Variants in CLIP1 observed in about 807,000 individuals in gnomAD.
CLIP1 encodes CAP-Gly domain containing linker protein 1, also known as CAP-Gly domain-containing linker protein 1.
Under a neutral mutation model 161.6 loss-of-function variants are expected in CLIP1, and 66 were observed. The ratio of observed to expected loss-of-function variants is 0.41; its 90% confidence interval spans 0.33 to 0.50. The LOEUF is 0.50. Among genes scored for constraint, CLIP1 ranks in the 20% least tolerant of loss-of-function variants. The pLI is 0.27. For missense variants in CLIP1, 1,376 were observed against 1,702.0 expected, an observed-to-expected ratio of 0.81 and a Z score of 3.37; for synonymous variants, 598 against 626.2, an observed-to-expected ratio of 0.96 and a Z score of 0.67.
chr12:122,361,020 G>C lies in CLIP1; in HGVS notation c.944C>G (p.Ser315Cys). 1 of 1,614,204 alleles carries C rather than the reference G, an allele frequency of 6.2e-7. No homozygotes were observed. The highest frequency in any genetic ancestry group is 8.5e-7 in the Non-Finnish European group (1 of 1,180,048). Residue 315 changes from serine to cysteine, a missense_variant, in exon 5 of 26, where the codon TCC (serine) becomes TGC (cysteine). Ser to Cys is a moderately radical substitution (Grantham distance 112). Around this residue, in one of 6 missense-constraint regions of CLIP1, gnomAD observed 211 missense variants for 295.1 expected, o/e 0.72. Transcript: ENST00000620786. ...GGCCACTGAGCTCATGGAGCTGAGG[G>C]AAGAGGCAGAAGGGCTGCGCTTCAG... is the stretch of plus-strand genomic sequence containing the variant. ...ASLKRSPSAS[S>C]LSSMSSVASS... is the part of the protein sequence containing the mutation.
At chr12:122,383,205 C>T (rs778379272) in intron 1 of CLIP1, among the ~76,000 whole-genome samples, 1 of 152,166 alleles carries the variant, frequency 6.6e-6, no homozygotes, top group African/African-American at 2.4e-5. Context: ...AGAGAACAGA[C>T]GGAGCAGGCA....
In CLIP1 at chr12:122,350,085, A is replaced by G. The variant is rs1198258563; in HGVS notation, c.1401+1026T>C. Among the ~76,000 whole-genome samples, 5 of 151,812 alleles carry G rather than the reference A, an allele frequency of 3.3e-5. No individual in the cohort carries two copies. In the Middle Eastern group the frequency reaches 0.014, roughly 413 times the overall value. The stretch of plus-strand genomic sequence containing the variant: ...ATATTCGGCTAATTTTTGTATTTTT[A>G]GTAGAGACAGGGTTTCACCATGTTG... On this transcript the variant is annotated intron_variant, in intron 9 of 25. Transcript: ENST00000620786.
intron 5 of CLIP1, among the ~76,000 whole-genome samples, chr12:122,358,234 AAGGCAGCATGCTCGTTAAG>A (rs1444351154): frequency 6.6e-6 from 1 of 151,324 alleles, no homozygotes; most frequent in Non-Finnish European, 1.5e-5. Flanking sequence ...CAGATGCTTG[AAGGCAGCATGCTCGTTAAG>A]AGTCATCACC....
At position 122,409,874 on chromosome 12, in the gene CLIP1, A is replaced by ATT. The variant is rs770849234; in HGVS notation, c.-107+12645_-107+12646dup. Among the ~76,000 whole-genome samples, 233 of 142,008 alleles carry ATT rather than the reference A, an allele frequency of 1.6e-3. 2 individuals carry two copies. Among genetic ancestry groups the ATT allele is most frequent in the Middle Eastern group, 3.7e-3 (1 of 268 alleles). 93.2% of individuals were successfully genotyped at this position (142,008 alleles called of 152,430 possible). A position where few individuals can be genotyped will look rare whatever the true frequency, so the allele number is the denominator to read the frequency against. ...TCTAACTTCAGTGTTTGTTATTTTT[A>ATT]TTTTTTTTTTTTTTGAGACTGAGTC... On this transcript the variant is annotated intron_variant, in intron 1 of 25. Transcript: ENST00000620786.
At chr12:122,402,202 A>C (rs1270225423) in intron 1 of CLIP1, among the ~76,000 whole-genome samples, 1 of 152,160 alleles carries the variant, frequency 6.6e-6, no homozygotes, top group African/African-American at 2.4e-5. Flanking sequence ...GTAGATTTAA[A>C]ATATTATTTC....
intron 1 of CLIP1, among the ~76,000 whole-genome samples, chr12:122,407,330 C>G (rs763436039): frequency 6.6e-6 from 1 of 152,132 alleles, no homozygotes; most frequent in Non-Finnish European, 1.5e-5. Flanking sequence ...TCTCCAGGCT[C>G]CTGACCCTAA....
At chr12:122,376,148 G>A (rs1490241699) in intron 3 of CLIP1, among the ~76,000 whole-genome samples, 2 of 152,030 alleles carry the variant, frequency 1.3e-5, no homozygotes, top group Non-Finnish European at 2.9e-5. Context: ...ATGTTGGCCA[G>A]GCTGGTCTTG....
intron 1 of CLIP1, among the ~76,000 whole-genome samples, chr12:122,411,543 C>T (rs760077998): frequency 6.6e-6 from 1 of 152,184 alleles, no homozygotes; most frequent in Non-Finnish European, 1.5e-5. Context: ...GGTATATCTA[C>T]ACAACAGAAT....
rs200371646 is a variant in CLIP1 at position 122,336,621 on chromosome 12, C to G, written c.2568+11G>C. On this transcript the variant is annotated intron_variant, in intron 12 of 25. Coordinates refer to ENST00000620786, the MANE Select transcript of CLIP1 (RefSeq NM_001247997.2). ...GAAACCCTGAGATTCAGATTCCCAA[C>G]AGGTACTTACCAAAATCTGAAGTTC... 470 of 1,380,480 alleles carry G rather than the reference C, an allele frequency of 3.4e-4. 4 individuals carry two copies. Among genetic ancestry groups the G allele is most frequent in the Non-Finnish European group, 2.9e-5 (28 of 971,390 alleles). The allele number at this position is 1,380,480 out of a possible 1,614,324, so 85.5% of individuals were successfully genotyped here.
chr12:122,397,063 G>A (rs565034328), intron 1 of CLIP1, among the ~76,000 whole-genome samples: 192 of 146,990 alleles, frequency 1.3e-3, no homozygotes, highest in Non-Finnish European at 1.9e-3. Flanking sequence ...ACAGGCGTAA[G>A]CCACCGTGCC....
At chr12:122,317,406 A>C (rs1951312288) in intron 18 of CLIP1, among the ~76,000 whole-genome samples, 1 of 152,212 alleles carries the variant, frequency 6.6e-6, no homozygotes, top group South Asian at 2.1e-4. Context: ...TGAAGAGGAA[A>C]AAGCCATGTC....
At chr12:122,324,909 A>G (rs898980201) in intron 17 of CLIP1, among the ~76,000 whole-genome samples, 45 of 152,140 alleles carry the variant, frequency 3.0e-4, no homozygotes, top group African/African-American at 1.1e-3. Flanking sequence ...TAGTCCCAAT[A>G]TCACATATAA....
chr12:122,315,109 G>A lies in CLIP1; in HGVS notation c.3473+1640C>T, dbSNP rs138346387. On this transcript the variant is annotated intron_variant, in intron 19 of 25. Coordinates refer to ENST00000620786, the MANE Select transcript of CLIP1 (RefSeq NM_001247997.2). The stretch of plus-strand genomic sequence containing the variant: ...TCCCAGGAAAATTTTAAAACTCCCC[G>A]AAGAACCACACATGTGCTAGCTTAA... 6.7e-3 allele frequency among the ~76,000 whole-genome samples: 1,023 copies of A among 152,208 alleles called. 16 individuals are homozygous for A. Among genetic ancestry groups the A allele is most frequent in the South Asian group, 0.057 (275 of 4,820 alleles).
At chr12:122,397,785 A>G (rs1955979595) in intron 1 of CLIP1, among the ~76,000 whole-genome samples, 1 of 151,172 alleles carries the variant, frequency 6.6e-6, no homozygotes, top group Non-Finnish European at 1.5e-5. Context: ...CCCCATCTTT[A>G]CTAAAAAAAA....
intron 18 of CLIP1, among the ~76,000 whole-genome samples, chr12:122,318,595 C>T (rs980877388): frequency 6.6e-6 from 1 of 152,042 alleles, no homozygotes; most frequent in Non-Finnish European, 1.5e-5. Flanking sequence ...TCTGAAGTTC[C>T]ACAGGACTTC....
chr12:122,317,556 A>G (rs1951317011), intron 18 of CLIP1, among the ~76,000 whole-genome samples: 1 of 152,182 alleles, frequency 6.6e-6, no homozygotes, highest in South Asian at 2.1e-4. Context: ...AGGCTGTGGC[A>G]GGTGGTTGGA....
rs1453929944 is a variant in CLIP1, at chr12:122,272,839, C to T, written c.*36G>A. The T allele has an allele frequency of 5.7e-6, 9 of 1,572,954 alleles. No individual in the cohort carries two copies. The highest frequency in any genetic ancestry group is 7.9e-6 in the Non-Finnish European group (9 of 1,142,538). ...GTGTTACGTTGTGTCAATGCGAGTGCGTCTGAGCAAGCCCAGTTCTCCACT... is the reference window on the plus strand; with the variant it reads ...GTGTTACGTTGTGTCAATGCGAGTGTGTCTGAGCAAGCCCAGTTCTCCACT... On this transcript the variant is annotated 3_prime_UTR_variant, in exon 26 of 26. Coordinates refer to ENST00000620786, the MANE Select transcript of CLIP1 (RefSeq NM_001247997.2).
chr12:122,320,327 G>T (rs1370137404), intron 17 of CLIP1, among the ~76,000 whole-genome samples: 1 of 152,094 alleles, frequency 6.6e-6, no homozygotes, highest in Non-Finnish European at 1.5e-5. Context: ...ATATAGCTAG[G>T]CATGGTAGCA....
chr12:122,343,615 T>C (rs1952610788), intron 10 of CLIP1: 1 of 152,222 alleles, frequency 6.6e-6, no homozygotes, highest in Admixed American at 6.5e-5. Flanking sequence ...ATGAATCACC[T>C]GGAATGTACA....
Sources: allele counts gnomAD v4.1 joint callset (sites outside exome capture counted in the v4.1 genomes callset), GRCh38; gene constraint gnomAD v4.1.1; regional missense constraint gnomAD v4.1.1; transcripts MANE v1.5; gene names NCBI Gene and HGNC (gene_info 2026-07-23, HGNC 2026-07-21).